The following PCDHA9 variants were observed in gnomAD, a reference collection of about 807,000 sequenced individuals.
The protein encoded by PCDHA9 is protocadherin alpha-9.
PCDHA9 carries 62 observed loss-of-function variants against 62.0 expected under a neutral mutation model. The ratio of observed to expected loss-of-function variants is 1.00; its 90% CI spans 0.81 to 1.23. PCDHA9 has a LOEUF of 1.23. Among genes scored for constraint, PCDHA9 ranks in the 50% most tolerant of loss-of-function variants. The pLI, the probability that PCDHA9 is intolerant of heterozygous loss-of-function variation, is 0.00. For synonymous variants in PCDHA9, 557 were observed against 567.6 expected, an observed-to-expected ratio of 0.98 and a Z score of 0.27; for missense variants, 1,205 against 1,249.8, an observed-to-expected ratio of 0.96 and a Z score of 0.54.
At chr5:140,959,935 T>C (rs2095518080) in intron 1 of PCDHA9, among the ~76,000 whole-genome samples, 2 of 152,178 alleles carry the variant, frequency 1.3e-5, no homozygotes, top group African/African-American at 4.8e-5. Context: ...CCCCATTACT[T>C]AGGCAGAATA....
chr5:140,961,135 A>T (rs1554225235), intron 1 of PCDHA9, among the ~76,000 whole-genome samples: 2 of 152,186 alleles, frequency 1.3e-5, no homozygotes, highest in African/African-American at 4.8e-5. Flanking sequence ...TTGGCACTTA[A>T]GAGTTGGCAT....
chr5:140,955,030 A>T (rs1453200706), intron 1 of PCDHA9, among the ~76,000 whole-genome samples: 2 of 152,312 alleles, frequency 1.3e-5, no homozygotes, highest in African/African-American at 4.8e-5. Context: ...TTAAATAGGG[A>T]ATCTTTTCCT....
At chr5:140,875,463 A>G in intron 1 of PCDHA9, 1 of 1,599,288 alleles carries the variant, frequency 6.3e-7, no homozygotes, top group Non-Finnish European at 8.5e-7. Context: ...AGAGGCCCTC[A>G]TTTTCTGCAA....
intron 3 of PCDHA9, among the ~76,000 whole-genome samples, chr5:141,007,754 T>C (rs991882656): frequency 6.6e-6 from 1 of 152,172 alleles, no homozygotes; most frequent in African/African-American, 2.4e-5. Flanking sequence ...AACTTTGGAC[T>C]CTTATTGGCC....
At chr5:140,966,569 G>A in intron 1 of PCDHA9, 1 of 500,346 alleles carries the variant, frequency 2.0e-6, no homozygotes, top group Non-Finnish European at 3.3e-6. Flanking sequence ...TGGAATATGG[G>A]GAGTCAGCGA....
At chr5:140,876,753 G>A in intron 1 of PCDHA9, 2 of 1,614,246 alleles carry the variant, frequency 1.2e-6, no homozygotes, top group Non-Finnish European at 1.7e-6. Flanking sequence ...TGGTGACTGC[G>A]CGGGATGGGG....
At chr5:140,985,167 G>C (rs905296036) in intron 3 of PCDHA9, among the ~76,000 whole-genome samples, 2 of 152,176 alleles carry the variant, frequency 1.3e-5, no homozygotes, top group Admixed American at 1.3e-4. Context: ...TCAATCTCCT[G>C]ACCTCGTAAT....
chr5:140,850,641 C>G lies in PCDHA9; in HGVS notation c.2146C>G (p.Leu716Val), dbSNP rs2041729917. 1.9e-6 allele frequency: 3 copies of G among 1,598,540 alleles called. No homozygotes were observed. Among genetic ancestry groups the G allele is most frequent in the African/African-American group, 1.3e-5 (1 of 74,394 alleles). Residue 716 changes from leucine (L) to valine (V), a missense_variant, in exon 1 of 4, where the codon CTG becomes GTG. This residue lies in a region of PCDHA9 where 887 missense variants were observed against 809.5 expected (regional missense o/e 1.10). Coordinates refer to ENST00000532602, the MANE Select transcript of PCDHA9 (RefSeq NM_031857.2). ...AVSSLLVLTL[L>V]LYTVLRCSAM... ...GTCTAGCCTGTTGGTTCTCACGCTG[C>G]TGCTGTACACTGTGCTGCGGTGCTC...
intron 1 of PCDHA9, chr5:140,866,685 A>T (rs2049496850): frequency 6.6e-6 from 1 of 152,190 alleles, no homozygotes; most frequent in Admixed American, 6.5e-5. Context: ...TAGGTCTGTT[A>T]GAATATCAGT....
At chr5:140,871,202 T>C in intron 1 of PCDHA9, 1 of 1,613,730 alleles carries the variant, frequency 6.2e-7, no homozygotes, top group Non-Finnish European at 8.5e-7. Context: ...GTGTACCTGA[T>C]CATCGCCATC....
At chr5:140,920,011 C>T (rs782647025) in intron 1 of PCDHA9, among the ~76,000 whole-genome samples, 2 of 152,088 alleles carry the variant, frequency 1.3e-5, no homozygotes, top group Non-Finnish European at 2.9e-5. Context: ...AAAGGCCATG[C>T]GAAGATGGAG....
Position 140,858,030 on chromosome 5 carries a change from C to T in PCDHA9, c.2394+7141C>T, listed in dbSNP as rs534379807. 197 of 1,597,024 alleles carry T rather than the reference C, an allele frequency of 1.2e-4. 17 individuals are homozygous for T. Among genetic ancestry groups the T allele is most frequent in the Middle Eastern group, 3.3e-4 (2 of 5,996 alleles). On this transcript the variant is annotated intron_variant, in intron 1 of 3. Coordinates refer to ENST00000532602, the MANE Select transcript of PCDHA9 (RefSeq NM_031857.2). ...CATGGCGAGCCGTCGCTGACGGCCA[C>T]GGCCACTGTGCTTGTGTCGCTTGTG...
intron 1 of PCDHA9, among the ~76,000 whole-genome samples, chr5:140,872,595 C>G (rs1048527578): frequency 6.6e-6 from 1 of 152,102 alleles, no homozygotes; most frequent in African/African-American, 2.4e-5. Flanking sequence ...AGACCCCCAT[C>G]TGAAAAAATA....
intron 1 of PCDHA9, among the ~76,000 whole-genome samples, chr5:140,917,076 T>C (rs986884478): frequency 1.3e-5 from 2 of 152,124 alleles, no homozygotes; most frequent in East Asian, 3.9e-4. Flanking sequence ...CCGAGTTTAA[T>C]GTAAAGTTCC....
chr5:140,925,166 A>G (rs2082364629), intron 1 of PCDHA9, among the ~76,000 whole-genome samples: 1 of 152,126 alleles, frequency 6.6e-6, no homozygotes, highest in Admixed American at 6.5e-5. Context: ...GAATTGTGTA[A>G]TTGACCCCAA....
At chr5:140,879,676 C>G (rs539657930) in intron 1 of PCDHA9, among the ~76,000 whole-genome samples, 1 of 152,308 alleles carries the variant, frequency 6.6e-6, no homozygotes, top group South Asian at 2.1e-4. Flanking sequence ...AAACTGGGTG[C>G]TGTAAAACAG....
chr5:140,858,503 T>C, intron 1 of PCDHA9: 1 of 1,458,120 alleles, frequency 6.9e-7, no homozygotes. Flanking sequence ...CCGCATTTTC[T>C]CAAATATGTA....
At chr5:140,891,218 A>G (rs1554184722) in intron 1 of PCDHA9, among the ~76,000 whole-genome samples, 1 of 152,044 alleles carries the variant, frequency 6.6e-6, no homozygotes, top group African/African-American at 2.4e-5. Flanking sequence ...CTGTGTCTTT[A>G]TAATCATCCT....
At chr5:140,895,851 C>T (rs2065201261) in intron 1 of PCDHA9, among the ~76,000 whole-genome samples, 1 of 152,078 alleles carries the variant, frequency 6.6e-6, no homozygotes, top group Admixed American at 6.6e-5. Flanking sequence ...CACTCTTGTA[C>T]CCCAGGCTGG....
Sources: gnomAD v4.1 joint callset for allele counts (sites outside exome capture counted in the v4.1 genomes callset) on GRCh38, gnomAD v4.1.1 for gene constraint, gnomAD v4.1.1 regional missense constraint, MANE v1.5 for transcripts, NCBI Gene and HGNC (gene_info 2026-07-23, HGNC 2026-07-21) for gene names.